Variants in MVB12B observed in about 807,000 individuals in gnomAD.
The protein encoded by MVB12B is ESCRT-I complex subunit MVB12B.
Under a neutral mutation model 41.6 loss-of-function variants are expected in MVB12B, and 16 were observed. That is an observed-to-expected ratio of 0.38 (90% CI 0.26 to 0.58). The LOEUF is 0.58. Among genes scored for constraint, MVB12B ranks in the 20% least tolerant of loss-of-function variants. MVB12B has a pLI of 0.62. For missense variants in MVB12B, 274 were observed against 380.2 expected, an observed-to-expected ratio of 0.72 and a Z score of 2.32; for synonymous variants, 133 against 139.7, an observed-to-expected ratio of 0.95 and a Z score of 0.34.
At position 126,478,953 on chromosome 9, in the gene MVB12B, A is replaced by G. The variant is rs138829231; in HGVS notation, c.758-2416A>G. On this transcript the variant is annotated intron_variant, in intron 7 of 9. Coordinates refer to ENST00000361171, the MANE Select transcript of MVB12B (RefSeq NM_033446.3). The surrounding 1 kb of genome is among the most constrained non-coding windows in gnomAD (Gnocchi z 4.2). Reference sequence around the variant, plus strand: ...ACATCAGAGGCAGAAAGTCTGGGGAATGAATGGTGAGTGGGTTCTGCAGGG... The same window carrying G: ...ACATCAGAGGCAGAAAGTCTGGGGAGTGAATGGTGAGTGGGTTCTGCAGGG... Among the ~76,000 whole-genome samples the G allele has an allele frequency of 6.6e-6, 1 of 152,272 alleles. No individual in the cohort carries two copies. Among genetic ancestry groups the G allele is most frequent in the Non-Finnish European group, 1.5e-5 (1 of 68,006 alleles).
At position 126,484,048 on chromosome 9, in the gene MVB12B, G is replaced by A. The variant is rs1287681563; in HGVS notation, c.873+16G>A. 1 of 1,613,406 alleles carries A rather than the reference G, an allele frequency of 6.2e-7. No homozygotes were observed. The highest frequency in any genetic ancestry group is 1.7e-5 in the Admixed American group (1 of 60,026). ...CGAAAAAGAGGTAAGCAAGCCATCAGGGGAGGGGAGGGCAGGCCTGGGCCA... is the reference window on the plus strand; with the variant it reads ...CGAAAAAGAGGTAAGCAAGCCATCAAGGGAGGGGAGGGCAGGCCTGGGCCA... On this transcript the variant is annotated intron_variant, in intron 9 of 9. Transcript: ENST00000361171.
rs1588220943 is a variant in MVB12B, at chr9:126,505,000, T to C, written c.*1737T>C. On this transcript the variant is annotated 3_prime_UTR_variant, in exon 10 of 10. Coordinates refer to ENST00000361171, the MANE Select transcript of MVB12B (RefSeq NM_033446.3). ...GGGCACCTATGTCTGCCGTGGCTCC[T>C]CGGGTGGTGCCCTGTGTGACAAAGC... The C allele has an allele frequency of 6.6e-6, 1 of 152,372 alleles. No individual in the cohort carries two copies. 9.4% of individuals were successfully genotyped at this position (152,372 alleles called of 1,614,324 possible).
intron 7 of MVB12B, among the ~76,000 whole-genome samples, chr9:126,471,526 A>G (rs1281319383): frequency 6.6e-6 from 1 of 152,220 alleles, no homozygotes. Flanking sequence ...TGTAAACTCA[A>G]TTGGAATGTC....
chr9:126,493,272 T>G (rs779476042), intron 9 of MVB12B, among the ~76,000 whole-genome samples: 9 of 152,166 alleles, frequency 5.9e-5, no homozygotes, highest in Non-Finnish European at 1.2e-4. Context: ...ACAGACAGCT[T>G]TATTTTACCC....
In MVB12B at chr9:126,395,749, A is replaced by G; in HGVS notation, c.662+52A>G. ...TTGTCCTGTGGTCTTAGGTCCCTGC[A>G]CAACATTTTAGAACACCACCACTTA... is the stretch of plus-strand genomic sequence containing the variant. On this transcript the variant is annotated intron_variant, in intron 6 of 9. Transcript: ENST00000361171. This position sits in a 1 kb window ranked among gnomAD's most constrained non-coding sequence, Gnocchi z 4.9. The G allele has an allele frequency of 6.2e-7, 1 of 1,604,162 alleles. No individual in the cohort carries two copies. The highest frequency in any genetic ancestry group is 8.5e-7 in the Non-Finnish European group (1 of 1,175,362).
At chr9:126,435,894 G>T (rs1832465301) in intron 7 of MVB12B, among the ~76,000 whole-genome samples, 1 of 152,262 alleles carries the variant, frequency 6.6e-6, no homozygotes, top group Non-Finnish European at 1.5e-5. Flanking sequence ...TACGGCTGTA[G>T]ATGCGGGGGG....
chr9:126,445,829 G>T (rs924320080), intron 7 of MVB12B, among the ~76,000 whole-genome samples: 1 of 151,866 alleles, frequency 6.6e-6, no homozygotes, highest in African/African-American at 2.4e-5. Context: ...TTGGTAACTG[G>T]CCACCTCTCT....
chr9:126,388,667 A>G (rs1006250462), intron 4 of MVB12B, among the ~76,000 whole-genome samples: 1 of 152,152 alleles, frequency 6.6e-6, no homozygotes, highest in South Asian at 2.1e-4. Context: ...TTAGATTCCA[A>G]TTCCTCCACA....
intron 9 of MVB12B, among the ~76,000 whole-genome samples, chr9:126,499,681 T>G (rs1255163084): frequency 6.6e-6 from 1 of 151,952 alleles, no homozygotes; most frequent in Non-Finnish European, 1.5e-5. Flanking sequence ...GCGGGACATA[T>G]GTTGAAATTT....
intron 3 of MVB12B, among the ~76,000 whole-genome samples, chr9:126,381,433 C>T (rs1422490240): frequency 6.6e-6 from 1 of 152,182 alleles, no homozygotes; most frequent in Non-Finnish European, 1.5e-5. Flanking sequence ...TCCCAGCTCT[C>T]ATTTGCCTAC....
intron 2 of MVB12B, among the ~76,000 whole-genome samples, chr9:126,349,673 G>A (rs1829694856): frequency 6.6e-6 from 1 of 152,114 alleles, no homozygotes; most frequent in South Asian, 2.1e-4. Context: ...AGAGTCTATT[G>A]TGTGGGTTAA....
At position 126,447,974 on chromosome 9, in the gene MVB12B, T is replaced by C. The variant is rs181610207; in HGVS notation, c.757+26026T>C. The C allele has an allele frequency of 7.4e-3, 1,135 of 152,686 alleles. 14 individuals are homozygous for C. Among genetic ancestry groups the C allele is most frequent in the Non-Finnish European group, 9.9e-3 (678 of 68,200 alleles). The allele number at this position is 152,686 out of a possible 1,614,324, so 9.5% of individuals were successfully genotyped here. A position where few individuals can be genotyped will look rare whatever the true frequency, so the allele number is the denominator to read the frequency against. Reference sequence around the variant, plus strand: ...ATAAGTTCCATGGTGCTCCTGTCCCTTGTGGCCCTGGCTCTGAGTGCTGCC... The same window carrying C: ...ATAAGTTCCATGGTGCTCCTGTCCCCTGTGGCCCTGGCTCTGAGTGCTGCC... On this transcript the variant is annotated intron_variant, in intron 7 of 9. Transcript: ENST00000361171.
intron 7 of MVB12B, among the ~76,000 whole-genome samples, chr9:126,432,110 G>A (rs1049961217): frequency 4.6e-5 from 7 of 152,150 alleles, no homozygotes; most frequent in African/African-American, 7.2e-5. Flanking sequence ...TGACTGTAAC[G>A]TTCCTAAACA....
chr9:126,385,895 G>A (rs911392488), intron 3 of MVB12B, among the ~76,000 whole-genome samples: 3 of 152,138 alleles, frequency 2.0e-5, no homozygotes, highest in African/African-American at 4.8e-5. Flanking sequence ...ATTACAGAAT[G>A]GTGTACTGTC....
At chr9:126,398,998 C>T (rs1329789814) in intron 6 of MVB12B, among the ~76,000 whole-genome samples, 2 of 152,242 alleles carry the variant, frequency 1.3e-5, no homozygotes, top group Non-Finnish European at 2.9e-5. Flanking sequence ...GCACTGCCTT[C>T]TCTGTCCAAA....
intron 7 of MVB12B, among the ~76,000 whole-genome samples, chr9:126,454,365 C>T (rs905303006): frequency 6.6e-6 from 1 of 152,236 alleles, no homozygotes; most frequent in Admixed American, 6.5e-5. Context: ...TCCTTCATCC[C>T]CCTAATTCAT....
chr9:126,337,733 G>A (rs1352222259), intron 1 of MVB12B, among the ~76,000 whole-genome samples: 7 of 152,176 alleles, frequency 4.6e-5, no homozygotes, highest in African/African-American at 1.7e-4. Context: ...TGTGTTTTGC[G>A]GGCAGTTTGG....
intron 7 of MVB12B, among the ~76,000 whole-genome samples, chr9:126,446,923 C>CTT (rs33950971): frequency 4.3e-5 from 6 of 139,288 alleles, no homozygotes; most frequent in African/African-American, 1.3e-4. Context: ...TGTATTAGTT[C>CTT]TTTTTTTTAA....
At position 126,436,077 on chromosome 9, in the gene MVB12B, T is replaced by C. The variant is rs1306853792; in HGVS notation, c.757+14129T>C. On this transcript the variant is annotated intron_variant, in intron 7 of 9. Transcript: ENST00000361171. The surrounding 1 kb of genome is among the most constrained non-coding windows in gnomAD (Gnocchi z 4.1). ...TTCAGTTGGCACAGTATGTCTACTT[T>C]ATTAAAACAGGTAATTTTGGGGAAA... Among the ~76,000 whole-genome samples the C allele has an allele frequency of 6.6e-6, 1 of 152,278 alleles. No individual in the cohort carries two copies. Among genetic ancestry groups the C allele is most frequent in the Non-Finnish European group, 1.5e-5 (1 of 68,050 alleles).
Sources: gnomAD v4.1 joint callset for allele counts (sites outside exome capture counted in the v4.1 genomes callset) on GRCh38, gnomAD v4.1.1 for gene constraint, Gnocchi (gnomAD v3.1) non-coding constraint, MANE v1.5 for transcripts, NCBI Gene and HGNC (gene_info 2026-07-23, HGNC 2026-07-21) for gene names.